CSMD2: variants seen among roughly 807,000 people sequenced by gnomAD.
The protein encoded by CSMD2 is CUB and Sushi multiple domains 2, also known as CUB and sushi domain-containing protein 2.
CSMD2 carries 130 observed loss-of-function variants against 398.5 expected under a neutral mutation model. The observed-to-expected ratio is 0.33, with a 90% CI of 0.28 to 0.38. The LOEUF (loss-of-function observed/expected upper bound fraction) is 0.38, where lower values mean the gene tolerates loss of function less well. Ranked by LOEUF, CSMD2 falls within the 10% of genes least tolerant of loss-of-function variation. The probability of loss-of-function intolerance (pLI) is 1.00; values close to 1 mark genes in which losing one functional copy is unlikely to be tolerated. For missense variants in CSMD2, 3,829 were observed against 4,764.9 expected (o/e 0.80, Z 5.78); for synonymous variants, 1,828 against 1,908.5 (o/e 0.96, Z 1.10).
chr1:33,627,698 T>C (rs763014508), intron 32 of CSMD2, among the ~76,000 whole-genome samples: 4 of 152,190 alleles, frequency 2.6e-5, no homozygotes, highest in South Asian at 2.1e-4. Context: ...CTAGGAGTCA[T>C]TGTCCCAGCT....
rs1646165543 is a variant in CSMD2 at position 33,716,302 on chromosome 1, G to A, written c.3201C>T (p.Phe1067=). 6.2e-7 allele frequency: 1 copy of A among 1,613,896 alleles called. No individual in the cohort carries two copies. Among genetic ancestry groups the A allele is most frequent in the African/African-American group, 1.3e-5 (1 of 74,922 alleles). The change falls in exon 20 of 71, where the codon TTC becomes TTT. Residue 1067 remains phenylalanine, a synonymous_variant. Coordinates refer to ENST00000373381, the MANE Select transcript of CSMD2 (RefSeq NM_001281956.2). The part of the protein sequence containing the change: ...ISDFSMSYEG[F]NITFSEYDLE... ...ACTCTTTACCTGAGAAGGTGATGTT[G>A]AATCCTTCATATGACATGGAGAAAT...
intron 3 of CSMD2, among the ~76,000 whole-genome samples, chr1:33,971,709 C>T (rs35644777): frequency 0.033 from 5,055 of 152,254 alleles, 294 homozygotes; most frequent in African/African-American, 0.11. Context: ...GTGCCTTCGG[C>T]AGGTTGGGCG....
intron 1 of CSMD2, among the ~76,000 whole-genome samples, chr1:34,118,947 T>A (rs1294170278): frequency 6.6e-6 from 1 of 152,170 alleles, no homozygotes; most frequent in Non-Finnish European, 1.5e-5. Context: ...TTATATGGAA[T>A]CTTAAAGGAC....
At chr1:33,891,112 A>T (rs1641980881) in intron 5 of CSMD2, among the ~76,000 whole-genome samples, 1 of 152,122 alleles carries the variant, frequency 6.6e-6, no homozygotes, top group Non-Finnish European at 1.5e-5. Flanking sequence ...AGTGAACAGC[A>T]ACCTAAAAAA....
At position 33,614,551 on chromosome 1, in the gene CSMD2, G is replaced by C. The variant is rs145393304; in HGVS notation, c.6086C>G (p.Pro2029Arg). 1.9e-6 allele frequency: 3 copies of C among 1,612,704 alleles called. No homozygotes were observed. Among genetic ancestry groups the C allele is most frequent in the African/African-American group, 1.3e-5 (1 of 74,810 alleles). The change falls in exon 40 of 71, where the codon CCC becomes CGC. Residue 2029 changes from proline (P) to arginine (R), a missense_variant. Transcript: ENST00000373381. ...TTTCCAGGAGCAGTCCATGTTACTGGGGTAGTTGCCTGGGAAGCCGGGGCT... is the reference window on the plus strand; with the variant it reads ...TTTCCAGGAGCAGTCCATGTTACTGCGGTAGTTGCCTGGGAAGCCGGGGCT... The part of the protein sequence containing the change: ...ILSPGFPGNY[P>R]SNMDCSWKIA...
At chr1:33,985,717 T>C (rs1310054441) in intron 3 of CSMD2, among the ~76,000 whole-genome samples, 1 of 152,188 alleles carries the variant, frequency 6.6e-6, no homozygotes, top group Non-Finnish European at 1.5e-5. Context: ...GTAGATCTTG[T>C]GCCTTTGTTT....
rs149451768 is a variant in CSMD2 at position 33,848,587 on chromosome 1, T to C, written c.921-1591A>G. ...CCAGCATAGTGGGTCTTCATAAATATGCATTAAACAAAAGAACTAACCAAG... is the reference window on the plus strand; with the variant it reads ...CCAGCATAGTGGGTCTTCATAAATACGCATTAAACAAAAGAACTAACCAAG... On this transcript the variant is annotated intron_variant, in intron 5 of 70. Transcript: ENST00000373381. Among the ~76,000 whole-genome samples, 477 of 152,292 alleles carry C rather than the reference T, an allele frequency of 3.1e-3. 6 individuals carry two copies. Among genetic ancestry groups the C allele is most frequent in the Middle Eastern group, 0.014 (4 of 294 alleles).
chr1:33,939,951 G>T (rs936771210), intron 3 of CSMD2, among the ~76,000 whole-genome samples: 3 of 152,206 alleles, frequency 2.0e-5, no homozygotes, highest in Non-Finnish European at 4.4e-5. Context: ...TCCTGTAAGG[G>T]TGTTTTCATT....
At chr1:33,771,763 C>T (rs1158412508) in intron 13 of CSMD2, among the ~76,000 whole-genome samples, 1 of 152,106 alleles carries the variant, frequency 6.6e-6, no homozygotes, top group Non-Finnish European at 1.5e-5. Context: ...GCCTGCCTTT[C>T]CCTGAGAGAA....
At chr1:34,140,960 C>A (rs893941638) in intron 1 of CSMD2, among the ~76,000 whole-genome samples, 1 of 152,100 alleles carries the variant, frequency 6.6e-6, no homozygotes, top group African/African-American at 2.4e-5. Context: ...TCCTGCAGCC[C>A]CAGCCACCAC....
intron 2 of CSMD2, among the ~76,000 whole-genome samples, chr1:34,076,952 T>C (rs1656448285): frequency 8.9e-6 from 1 of 111,872 alleles, no homozygotes; most frequent in Non-Finnish European, 1.8e-5. Context: ...TATATATATA[T>C]ATATAGAAGG....
intron 60 of CSMD2, among the ~76,000 whole-genome samples, chr1:33,538,621 G>A (rs1656026746): frequency 2.0e-5 from 3 of 152,152 alleles, no homozygotes; most frequent in Non-Finnish European, 4.4e-5. Flanking sequence ...TTTAAGAATC[G>A]ATTGATGGGA....
At chr1:34,068,550 A>G (rs891732904) in intron 2 of CSMD2, among the ~76,000 whole-genome samples, 46 of 152,236 alleles carry the variant, frequency 3.0e-4, no homozygotes, top group African/African-American at 1.1e-3. Context: ...TACATAATAA[A>G]CAGATAATTC....
intron 10 of CSMD2, among the ~76,000 whole-genome samples, chr1:33,804,282 C>G (rs896588084): frequency 5.9e-5 from 9 of 152,188 alleles, no homozygotes; most frequent in Non-Finnish European, 2.9e-5. Flanking sequence ...AGCATGTGGG[C>G]TCACCATGAT....
Position 33,533,147 on chromosome 1 carries a change from G to T in CSMD2, c.10074C>A (p.Ile3358=), listed in dbSNP as rs201781858. Residue 3358 remains isoleucine (I), a synonymous_variant, in exon 64 of 71, where the codon ATC becomes ATA. Transcript: ENST00000373381. The surrounding 1 kb of genome is among the most constrained non-coding windows in gnomAD (Gnocchi z 4.2). ...GGGAGAAGCCCTCCTGGCAGGAGTA[G>T]ATGAGCGTGTAGCCCATGGAGGGCA... ...LDLPSMGYTL[I]YSCQEGFSLK... The T allele has an allele frequency of 1.9e-6, 3 of 1,614,112 alleles. No individual in the cohort carries two copies. The highest frequency in any genetic ancestry group is 2.5e-6 in the Non-Finnish European group (3 of 1,180,028).
At chr1:34,041,618 C>T (rs773157220) in intron 2 of CSMD2, among the ~76,000 whole-genome samples, 6 of 152,134 alleles carry the variant, frequency 3.9e-5, no homozygotes, top group African/African-American at 1.2e-4. Context: ...TTGGCTTTGA[C>T]GTGCCAGGCT....
intron 7 of CSMD2, among the ~76,000 whole-genome samples, chr1:33,823,867 C>T (rs528235653): frequency 6.6e-6 from 1 of 152,296 alleles, no homozygotes; most frequent in East Asian, 1.9e-4. Flanking sequence ...TTCTCTTTAT[C>T]TTCCTGAGGG....
chr1:33,623,508 G>A (rs1376900917), intron 35 of CSMD2, 42 bp from the exon 36 acceptor site: 35 of 1,411,702 alleles, frequency 2.5e-5, no homozygotes, highest in Admixed American at 5.0e-5. Flanking sequence ...GGCAGCCTGC[G>A]TCCCTCCCTC....
At chr1:33,581,529 C>CAAAAAAAAAAAAAAAA (rs59068586) in intron 47 of CSMD2, among the ~76,000 whole-genome samples, 26 of 36,882 alleles carry the variant, frequency 7.0e-4, no homozygotes, top group Non-Finnish European at 9.7e-4. Context: ...GACTCAGTCT[C>CAAAAAAAAAAAAAAAA]AAAAAAAAAA....
Sources: gnomAD v4.1 joint callset for allele counts (sites outside exome capture counted in the v4.1 genomes callset) on GRCh38, gnomAD v4.1.1 for gene constraint, Gnocchi (gnomAD v3.1) non-coding constraint, MANE v1.5 for transcripts, NCBI Gene and HGNC (gene_info 2026-07-23, HGNC 2026-07-21) for gene names.